Variants in TBC1D1 observed in about 807,000 individuals in gnomAD.
TBC1D1 encodes the protein TBC1 (tre-2/USP6, BUB2, cdc16) domain family, member 1.
TBC1D1 carries 89 observed loss-of-function variants against 125.6 expected under a neutral mutation model. The ratio of observed to expected loss-of-function variants is 0.71; its 90% CI spans 0.60 to 0.85. TBC1D1 has a LOEUF of 0.85. Among genes scored for constraint, TBC1D1 ranks in the 40% least tolerant of loss-of-function variants. TBC1D1 has a pLI of 0.00. For missense variants in TBC1D1, 1,377 were observed against 1,469.2 expected, an observed-to-expected ratio of 0.94 and a Z score of 1.03; for synonymous variants, 565 against 564.1, an observed-to-expected ratio of 1.00 and a Z score of -0.02.
In TBC1D1 at chr4:37,987,165, A is replaced by C. The variant is rs1400714230; in HGVS notation, c.418-27344A>C. ...TAGAAGGGACAATTATTTTAGCATG[A>C]ATAACAAGGGAAGAGATGATTATAT... On this transcript the variant is annotated intron_variant, in intron 2 of 19. Transcript: ENST00000261439. 3.3e-5 allele frequency among the ~76,000 whole-genome samples: 5 copies of C among 152,216 alleles called. No homozygotes were observed. In the East Asian group the frequency reaches 9.6e-4, roughly 29 times the overall value.
intron 2 of TBC1D1, among the ~76,000 whole-genome samples, chr4:37,932,228 AAAAC>A (rs1723406764): frequency 3.3e-5 from 5 of 152,222 alleles, no homozygotes; most frequent in African/African-American, 1.2e-4. Flanking sequence ...TCCATTCTCT[AAAAC>A]TGATTCCTTT....
rs1766826890 is a variant in TBC1D1, at chr4:38,137,379, G to C, written c.*44G>C. Reference sequence around the variant, plus strand: ...TGCAACACCATCCCACACTGTCCAGGCCTTAACTGAGAGGGACAGAAGACG... The same window carrying C: ...TGCAACACCATCCCACACTGTCCAGCCCTTAACTGAGAGGGACAGAAGACG... On this transcript the variant is annotated 3_prime_UTR_variant, in exon 20 of 20. Transcript: ENST00000261439. 6.6e-7 allele frequency: 1 copy of C among 1,509,530 alleles called. No homozygotes were observed. Among genetic ancestry groups the C allele is most frequent in the Admixed American group, 2.1e-5 (1 of 47,672 alleles). The allele number at this position is 1,509,530 out of a possible 1,614,324, so 93.5% of individuals were successfully genotyped here.
At chr4:37,974,487 T>C (rs937516198) in intron 2 of TBC1D1, among the ~76,000 whole-genome samples, 1 of 152,162 alleles carries the variant, frequency 6.6e-6, no homozygotes, top group Admixed American at 6.5e-5. Flanking sequence ...GATCCTCCCA[T>C]CTTGGCATCC....
intron 11 of TBC1D1, among the ~76,000 whole-genome samples, 177 bp from the exon 13 acceptor site, chr4:38,052,929 A>G (rs761736769): frequency 3.9e-5 from 6 of 152,202 alleles, no homozygotes; most frequent in Non-Finnish European, 5.9e-5. Flanking sequence ...TTTAAAATCA[A>G]ATTTTATTGG....
intron 2 of TBC1D1, among the ~76,000 whole-genome samples, chr4:38,008,341 T>G (rs1452746113): frequency 1.3e-5 from 2 of 152,330 alleles, no homozygotes; most frequent in East Asian, 3.9e-4. Flanking sequence ...TTTCATAGTT[T>G]TAAATGTTTG....
intron 2 of TBC1D1, chr4:37,961,171 C>T: frequency 9.8e-7 from 1 of 1,015,860 alleles, no homozygotes. Flanking sequence ...TCAGCTGTCC[C>T]TTGTTTCTAT....
chr4:37,985,183 A>T (rs903535935), intron 2 of TBC1D1, among the ~76,000 whole-genome samples: 51 of 152,096 alleles, frequency 3.4e-4, no homozygotes, highest in African/African-American at 1.1e-3. Context: ...TTAAGCTCCT[A>T]TCCTTGTGAT....
At position 38,090,089 on chromosome 4, in the gene TBC1D1, A is replaced by G. The variant is rs1758181439; in HGVS notation, c.2208A>G (p.Arg736=). ...TTCTTCAACAGATACTGCTGCTTAG[A>G]ATGGAGAAGGAAAATCAGAAGCTCC... Residue 736 remains arginine, a synonymous_variant, in exon 13 of 20, where the codon AGA becomes AGG. Transcript: ENST00000261439. 2.5e-6 allele frequency: 4 copies of G among 1,614,100 alleles called. No individual in the cohort carries two copies. In the East Asian group the frequency reaches 8.9e-5, roughly 36 times the overall value.
At chr4:38,112,392 A>G (rs191734873) in intron 15 of TBC1D1, among the ~76,000 whole-genome samples, 4 of 152,370 alleles carry the variant, frequency 2.6e-5, no homozygotes, top group African/African-American at 7.2e-5. Flanking sequence ...CAGAACGGTC[A>G]TAAGTGTGCC....
At chr4:38,004,743 G>A (rs934064174) in intron 2 of TBC1D1, among the ~76,000 whole-genome samples, 1 of 152,180 alleles carries the variant, frequency 6.6e-6, no homozygotes, top group Admixed American at 6.5e-5. Context: ...AACTGTAGAT[G>A]TTTCCAGGGA....
intron 18 of TBC1D1, among the ~76,000 whole-genome samples, chr4:38,129,413 G>A (rs1765213376): frequency 6.6e-6 from 1 of 152,218 alleles, no homozygotes; most frequent in Non-Finnish European, 1.5e-5. Flanking sequence ...GTTTACCACT[G>A]GCGTTGTTGA....
chr4:37,963,345 A>G (rs4594734), intron 2 of TBC1D1, among the ~76,000 whole-genome samples: 106,128 of 150,878 alleles, frequency 0.7, 37,575 homozygotes, highest in East Asian at 0.96. Context: ...AAGGCCAAGG[A>G]GGGAGCAGGC....
chr4:38,098,195 G>A (rs1759704828), intron 14 of TBC1D1, among the ~76,000 whole-genome samples: 1 of 152,210 alleles, frequency 6.6e-6, no homozygotes, highest in Non-Finnish European at 1.5e-5. Context: ...CTGTCTTGGA[G>A]TTCTAATATT....
intron 2 of TBC1D1, among the ~76,000 whole-genome samples, chr4:37,935,279 C>G (rs964808143): frequency 6.6e-6 from 1 of 152,164 alleles, no homozygotes; most frequent in Admixed American, 6.5e-5. Context: ...CAGCTCAGAT[C>G]TCTGCACCAA....
At chr4:38,105,277 G>A (rs1761106993) in intron 15 of TBC1D1, among the ~76,000 whole-genome samples, 1 of 151,916 alleles carries the variant, frequency 6.6e-6, no homozygotes, top group Non-Finnish European at 1.5e-5. Context: ...TTGTGCAAAG[G>A]GACTTAAACT....
chr4:38,063,033 G>GT (rs574790784), intron 12 of TBC1D1, among the ~76,000 whole-genome samples: 171 of 152,336 alleles, frequency 1.1e-3, no homozygotes, highest in African/African-American at 3.8e-3. Flanking sequence ...TAACTCTAGA[G>GT]TGTGTGCCTG....
At chr4:38,132,016 T>G (rs1013022770) in intron 18 of TBC1D1, among the ~76,000 whole-genome samples, 5 of 152,212 alleles carry the variant, frequency 3.3e-5, no homozygotes, top group African/African-American at 1.2e-4. Flanking sequence ...GAAAATTGAT[T>G]CCAGGGAAGA....
chr4:38,059,544 G>A (rs942327712), intron 12 of TBC1D1, among the ~76,000 whole-genome samples: 1 of 148,250 alleles, frequency 6.7e-6, no homozygotes, highest in Non-Finnish European at 1.5e-5. Flanking sequence ...TCTGGCTGCC[G>A]CAGAAACTAT....
chr4:37,984,860 A>G (rs1735110978), intron 2 of TBC1D1, among the ~76,000 whole-genome samples: 1 of 151,958 alleles, frequency 6.6e-6, no homozygotes, highest in African/African-American at 2.4e-5. Flanking sequence ...AAAAAAGAAA[A>G]TGTTAGTGCT....
Sources: allele counts gnomAD v4.1 joint callset (sites outside exome capture counted in the v4.1 genomes callset), GRCh38; gene constraint gnomAD v4.1.1; transcripts MANE v1.5; gene names NCBI Gene and HGNC (gene_info 2026-07-23, HGNC 2026-07-21).